SPIDR: variants seen among roughly 807,000 people sequenced by gnomAD.
SPIDR encodes DNA repair-scaffolding protein.
SPIDR carries 93 observed loss-of-function variants against 104.6 expected under a neutral mutation model. The observed-to-expected ratio is 0.89, with a 90% CI of 0.75 to 1.06. SPIDR has a LOEUF of 1.06. SPIDR is among the 50% of genes least tolerant of loss of function. The pLI, the probability that SPIDR is intolerant of heterozygous loss-of-function variation, is 0.00. For missense variants in SPIDR, 1,154 were observed against 1,111.2 expected (o/e 1.04, Z -0.55); for synonymous variants, 431 against 416.9 (o/e 1.03, Z -0.41).
intron 7 of SPIDR, among the ~76,000 whole-genome samples, chr8:47,428,854 T>G (rs2066865583): frequency 1.3e-5 from 2 of 152,226 alleles, no homozygotes; most frequent in Non-Finnish European, 2.9e-5. Context: ...TATATCCCCT[T>G]TCCTCTGGGG....
At chr8:47,554,333 A>G (rs929956913) in intron 8 of SPIDR, among the ~76,000 whole-genome samples, 2 of 152,180 alleles carry the variant, frequency 1.3e-5, no homozygotes, top group African/African-American at 4.8e-5. Context: ...TTGTTCAGCT[A>G]TGCCCTGCCC....
At chr8:47,333,903 C>G (rs1554606501) in intron 5 of SPIDR, among the ~76,000 whole-genome samples, 1 of 152,170 alleles carries the variant, frequency 6.6e-6, no homozygotes, top group Non-Finnish European at 1.5e-5. Flanking sequence ...TGGCATGTGA[C>G]TGTATATGCG....
At chr8:47,374,583 A>G (rs2058430032) in intron 5 of SPIDR, among the ~76,000 whole-genome samples, 1 of 152,228 alleles carries the variant, frequency 6.6e-6, no homozygotes, top group Non-Finnish European at 1.5e-5. Context: ...CATGTCTGTC[A>G]GAAGAGAATA....
intron 11 of SPIDR, among the ~76,000 whole-genome samples, chr8:47,694,712 GCACTCC>G (rs2079099955): frequency 1.2e-4 from 18 of 152,092 alleles, no homozygotes; most frequent in Admixed American, 1.2e-3. Context: ...TCACACCACT[GCACTCC>G]AGCCTGGGTG....
At chr8:47,513,633 G>C (rs1357969699) in intron 8 of SPIDR, among the ~76,000 whole-genome samples, 1 of 152,174 alleles carries the variant, frequency 6.6e-6, no homozygotes, top group African/African-American at 2.4e-5. Flanking sequence ...ATCTGGAGAA[G>C]TGCTGACTCA....
chr8:47,375,311 G>T (rs552621790), intron 5 of SPIDR, among the ~76,000 whole-genome samples: 4 of 125,484 alleles, frequency 3.2e-5, no homozygotes, highest in African/African-American at 1.2e-4. Context: ...GTTCAATCGT[G>T]GCTCACCACA....
chr8:47,346,512 C>T (rs1480974060), intron 5 of SPIDR, among the ~76,000 whole-genome samples: 2 of 152,080 alleles, frequency 1.3e-5, no homozygotes, highest in African/African-American at 4.8e-5. Context: ...CCCTCTTTTT[C>T]TATTGATTGA....
intron 8 of SPIDR, among the ~76,000 whole-genome samples, chr8:47,586,720 G>A (rs991557632): frequency 6.6e-6 from 1 of 152,032 alleles, no homozygotes; most frequent in African/African-American, 2.4e-5. Context: ...CTTTCTTAGA[G>A]CAAAAGTTTT....
intron 8 of SPIDR, among the ~76,000 whole-genome samples, chr8:47,488,732 C>T (rs895108410): frequency 1.1e-4 from 16 of 152,228 alleles, no homozygotes; most frequent in South Asian, 8.3e-4. Context: ...AGCATATAAA[C>T]GGAACCAAAG....
intron 8 of SPIDR, chr8:47,511,136 A>G: frequency 1.3e-6 from 2 of 1,535,306 alleles, no homozygotes; most frequent in Non-Finnish European, 1.8e-6. Flanking sequence ...ATGAGGATAA[A>G]GCTGGTGGCA....
At chr8:47,661,207 G>T (rs2074054539) in intron 10 of SPIDR, among the ~76,000 whole-genome samples, 1 of 152,178 alleles carries the variant, frequency 6.6e-6, no homozygotes, top group African/African-American at 2.4e-5. Flanking sequence ...TGGAATCAGT[G>T]CAGTTGTGAG....
At chr8:47,659,928 A>G (rs1187185076) in intron 10 of SPIDR, among the ~76,000 whole-genome samples, 1 of 152,174 alleles carries the variant, frequency 6.6e-6, no homozygotes, top group Non-Finnish European at 1.5e-5. Flanking sequence ...CTGCTCCCAT[A>G]ACTCACGTAA....
intron 8 of SPIDR, among the ~76,000 whole-genome samples, chr8:47,452,991 G>T (rs2072148979): frequency 6.6e-6 from 1 of 152,138 alleles, no homozygotes; most frequent in African/African-American, 2.4e-5. Flanking sequence ...ATCTCCTCAA[G>T]CTGATAAGCA....
chr8:47,540,879 T>C (rs942268759), intron 8 of SPIDR, among the ~76,000 whole-genome samples: 1 of 152,184 alleles, frequency 6.6e-6, no homozygotes, highest in African/African-American at 2.4e-5. Context: ...ACACTCTTGT[T>C]TTGAGCGTCT....
intron 8 of SPIDR, among the ~76,000 whole-genome samples, chr8:47,568,192 C>A (rs2154404415): frequency 6.6e-6 from 1 of 151,898 alleles, no homozygotes; most frequent in East Asian, 1.9e-4. Context: ...CATGAATCTA[C>A]CTTGTTTGTG....
chr8:47,483,244 T>C (rs2077124144), intron 8 of SPIDR, among the ~76,000 whole-genome samples: 1 of 152,234 alleles, frequency 6.6e-6, no homozygotes, highest in African/African-American at 2.4e-5. Context: ...CTTGGGATAA[T>C]TACTTATTTT....
intron 5 of SPIDR, among the ~76,000 whole-genome samples, chr8:47,299,263 G>A (rs2154245529): frequency 6.6e-6 from 1 of 152,194 alleles, no homozygotes; most frequent in Admixed American, 6.5e-5. Flanking sequence ...TCTGTTATTG[G>A]TGTATAAGAA....
chr8:47,488,096 A>T (rs1243757623), intron 8 of SPIDR, among the ~76,000 whole-genome samples: 2 of 152,196 alleles, frequency 1.3e-5, no homozygotes, highest in African/African-American at 4.8e-5. Flanking sequence ...CAACAAATTG[A>T]TAGACCACTA....
chr8:47,423,605 AAAAAAT>A (rs2065931558), intron 7 of SPIDR, among the ~76,000 whole-genome samples: 1 of 152,148 alleles, frequency 6.6e-6, no homozygotes, highest in African/African-American at 2.4e-5. Flanking sequence ...CTGTCTGAAA[AAAAAAT>A]AAAAATAAAA....
Sources: allele counts gnomAD v4.1 joint callset (sites outside exome capture counted in the v4.1 genomes callset), GRCh38; gene constraint gnomAD v4.1.1; transcripts MANE v1.5; gene names NCBI Gene and HGNC (gene_info 2026-07-23, HGNC 2026-07-21).